The following TENM3 variants were observed in gnomAD, a reference collection of about 807,000 sequenced individuals.
The protein encoded by TENM3 is teneurin-3.
Under a neutral mutation model 255.1 loss-of-function variants are expected in TENM3, and 63 were observed. That is an observed-to-expected ratio of 0.25 (90% CI 0.20 to 0.30). The LOEUF is 0.30. Among genes scored for constraint, TENM3 ranks in the 10% least tolerant of loss-of-function variants. The pLI is 1.00. For missense variants in TENM3, 2,929 were observed against 3,461.1 expected (o/e 0.85, Z 3.86); for synonymous variants, 1,306 against 1,322.3 (o/e 0.99, Z 0.27).
At chr4:181,814,723 A>T in the TENM3 span, among the ~76,000 whole-genome samples, 2 of 152,200 alleles carry the variant, frequency 1.3e-5, no homozygotes, top group African/African-American at 4.8e-5. Context: ...AATGAAAATT[A>T]TGAAATAATT....
At chr4:182,680,788 A>G (rs1756110830) in intron 10 of TENM3, 51 bp downstream of exon 10, 1 of 1,355,420 alleles carries the variant, frequency 7.4e-7, no homozygotes. Context: ...ATAAAGAAAC[A>G]GATTGTATCT....
chr4:182,779,759 T>C (rs76085918), intron 24 of TENM3, among the ~76,000 whole-genome samples: 15,297 of 152,294 alleles, frequency 0.1, 1,038 homozygotes, highest in Admixed American at 0.16. Flanking sequence ...TTCTAACTAG[T>C]GTGAGATGGT....
chr4:182,676,179 G>A lies in TENM3; in HGVS notation c.1326+2960G>A, dbSNP rs185811691. Among the ~76,000 whole-genome samples, 39 of 152,322 alleles carry A rather than the reference G, an allele frequency of 2.6e-4. 1 individual carries two copies. The highest frequency in any genetic ancestry group is 9.4e-4 in the African/African-American group (39 of 41,566). ...CAGAATAGTTGCTTGAGCTTTCGCA[G>A]TCTTTGTGACCCTTTGTAAAACTGC... is the stretch of plus-strand genomic sequence containing the variant. On this transcript the variant is annotated intron_variant, in intron 7 of 27. Transcript: ENST00000511685.
At chr4:181,981,704 A>G in the TENM3 span, among the ~76,000 whole-genome samples, 218 of 152,300 alleles carry the variant, frequency 1.4e-3, no homozygotes, top group Non-Finnish European at 2.6e-3. Context: ...GGCATGAAAA[A>G]GGAGTAGATA....
At chr4:181,979,951 A>G in the TENM3 span, among the ~76,000 whole-genome samples, 1 of 152,184 alleles carries the variant, frequency 6.6e-6, no homozygotes, top group Non-Finnish European at 1.5e-5. Flanking sequence ...AAGGTCCACT[A>G]GTTATAACCT....
chr4:182,451,434 C>G (rs969796772), intron 3 of TENM3, among the ~76,000 whole-genome samples: 20 of 151,986 alleles, frequency 1.3e-4, no homozygotes, highest in African/African-American at 4.8e-4. Flanking sequence ...TTTTATGTTC[C>G]TACATATTTT....
the TENM3 span, among the ~76,000 whole-genome samples, chr4:181,516,516 C>T: frequency 6.6e-6 from 1 of 152,074 alleles, no homozygotes; most frequent in Non-Finnish European, 1.5e-5. Context: ...CGCGGTGGCT[C>T]ACAACTGTAA....
At chr4:182,491,151 G>C (rs1735260682) in intron 3 of TENM3, among the ~76,000 whole-genome samples, 2 of 152,056 alleles carry the variant, frequency 1.3e-5, no homozygotes, top group Non-Finnish European at 2.9e-5. Context: ...ATACAGTGTG[G>C]TCAGTACTTT....
chr4:181,684,295 A>C, the TENM3 span, among the ~76,000 whole-genome samples: 1,491 of 152,322 alleles, frequency 9.8e-3, 15 homozygotes, highest in Middle Eastern at 0.037. Context: ...CAGATACAAA[A>C]GTAGGCTTAG....
chr4:182,087,979 C>T, the TENM3 span, among the ~76,000 whole-genome samples: 15 of 152,278 alleles, frequency 9.9e-5, no homozygotes, highest in Middle Eastern at 3.4e-3. Context: ...ACAGTAGGCG[C>T]TACATAAATG....
intron 1 of TENM3, among the ~76,000 whole-genome samples, chr4:182,269,166 T>C (rs1759448342): frequency 6.6e-6 from 1 of 152,178 alleles, no homozygotes; most frequent in South Asian, 2.1e-4. Context: ...GTGTGGGAGA[T>C]TATCCATCCC....
chr4:181,828,620 G>A, the TENM3 span, among the ~76,000 whole-genome samples: 1 of 151,774 alleles, frequency 6.6e-6, no homozygotes, highest in Admixed American at 6.6e-5. Context: ...GTCTCACTCT[G>A]TTGCCCAGGC....
At chr4:182,138,382 G>A in the TENM3 span, among the ~76,000 whole-genome samples, 13 of 152,128 alleles carry the variant, frequency 8.5e-5, no homozygotes, top group Non-Finnish European at 1.8e-4. Flanking sequence ...TTTAACCCAG[G>A]TTAATGTCGA....
At chr4:182,027,647 C>A in the TENM3 span, among the ~76,000 whole-genome samples, 1 of 151,320 alleles carries the variant, frequency 6.6e-6, no homozygotes, top group Non-Finnish European at 1.5e-5. Flanking sequence ...TTCCTTCTGT[C>A]CCCAGTTACT....
the TENM3 span, among the ~76,000 whole-genome samples, chr4:181,727,741 A>T: frequency 1.3e-5 from 2 of 152,162 alleles, no homozygotes; most frequent in South Asian, 4.1e-4. Context: ...CCTCCTTGAG[A>T]CTTCTCTTTC....
chr4:182,501,806 T>G (rs1404015024), intron 3 of TENM3, among the ~76,000 whole-genome samples: 1 of 152,188 alleles, frequency 6.6e-6, no homozygotes, highest in African/African-American at 2.4e-5. Flanking sequence ...ATTAAGTGTA[T>G]ATTGTTAACT....
Position 182,653,888 on chromosome 4 carries a change from A to G in TENM3, c.1106A>G (p.Asp369Gly), listed in dbSNP as rs767116386. The G allele has an allele frequency of 4.5e-5, 72 of 1,607,806 alleles. No homozygotes were observed. The highest frequency in any genetic ancestry group is 5.8e-5 in the Non-Finnish European group (68 of 1,177,480). The change falls in exon 6 of 28, where the codon GAC (aspartate) becomes GGC (glycine). Residue 369 changes from aspartate (D) to glycine (G), a missense_variant. Around this residue, in one of 6 missense-constraint regions of TENM3, gnomAD observed 1,608 missense variants for 1,884.4 expected, o/e 0.85. Transcript: ENST00000511685. ...AACACTGTGTCATTACCTTCTGGAG[A>G]CAATGGTAAGCGAAAGAATTATGTA... ...PTNTVSLPSGDNGKLGGFTQE... is the reference protein window; with the variant it reads ...PTNTVSLPSGGNGKLGGFTQE...
chr4:181,793,204 C>A, the TENM3 span, among the ~76,000 whole-genome samples: 1 of 152,148 alleles, frequency 6.6e-6, no homozygotes, highest in African/African-American at 2.4e-5. Context: ...GGCCGGCGAT[C>A]CAGCTGCATG....
chr4:181,961,610 G>A, the TENM3 span, among the ~76,000 whole-genome samples: 2 of 152,030 alleles, frequency 1.3e-5, no homozygotes, highest in Non-Finnish European at 2.9e-5. Context: ...TAGTAGAGAC[G>A]GGCTTTCACC....
Sources: allele counts gnomAD v4.1 joint callset (sites outside exome capture counted in the v4.1 genomes callset), GRCh38; gene constraint gnomAD v4.1.1; regional missense constraint gnomAD v4.1.1; transcripts MANE v1.5; gene names NCBI Gene and HGNC (gene_info 2026-07-23, HGNC 2026-07-21).